Variants in BRWD1 observed in about 807,000 individuals in gnomAD.
The protein encoded by BRWD1 is bromodomain and WD repeat-containing protein 1.
In BRWD1, 82 loss-of-function variants were observed where a neutral mutation model predicts 251.2. That is an observed-to-expected ratio of 0.33 (90% confidence interval 0.27 to 0.39). The LOEUF is 0.39. Among genes scored for constraint, BRWD1 ranks in the 10% least tolerant of loss-of-function variants. The probability of loss-of-function intolerance (pLI) is 1.00; values close to 1 mark genes in which losing one functional copy is unlikely to be tolerated. For missense variants in BRWD1, 2,233 were observed against 2,711.6 expected, an observed-to-expected ratio of 0.82 and a Z score of 3.92; for synonymous variants, 918 against 902.8, an observed-to-expected ratio of 1.02 and a Z score of -0.30.
rs926999451 is a variant in BRWD1 at position 39,196,083 on chromosome 21, A to G, written c.*176T>C. The G allele has an allele frequency of 7.3e-7, 1 of 1,369,534 alleles. No homozygotes were observed. The highest frequency in any genetic ancestry group is 3.5e-5 in the Admixed American group (1 of 28,626). The allele number at this position is 1,369,534 out of a possible 1,614,324, so 84.8% of individuals were successfully genotyped here. On this transcript the variant is annotated 3_prime_UTR_variant, in exon 41 of 41. Coordinates refer to ENST00000342449, the MANE Select transcript of BRWD1 (RefSeq NM_033656.4). ...TGGCACCTGTGCTGAATGCTGCTAC[A>G]AAGACCAGCAAGTGCAAATAAAAAT...
upstream of BRWD1, among the ~76,000 whole-genome samples, chr21:39,318,700 A>G (rs899177566): frequency 5.3e-5 from 8 of 152,092 alleles, no homozygotes; most frequent in African/African-American, 1.7e-4. Flanking sequence ...GCAGGAGTGC[A>G]GTGGTACAGT....
At chr21:39,277,494 ATATAGAGGT>A (rs1226559210) in intron 10 of BRWD1, 143 bp from the exon 11 acceptor site, 3 of 519,466 alleles carry the variant, frequency 5.8e-6, no homozygotes, top group Non-Finnish European at 9.5e-6. Context: ...CTGACTCACT[ATATAGAGGT>A]TATAAAGCTG....
chr21:39,292,133 G>A lies in BRWD1; in HGVS notation c.831+1678C>T, dbSNP rs1182532873. On this transcript the variant is annotated intron_variant, in intron 8 of 40. Coordinates refer to ENST00000342449, the MANE Select transcript of BRWD1 (RefSeq NM_033656.4). ...TTTTTTGTGGGGGGTGGGTGGGGGT[G>A]GGGGGGGGGGTCTCACTAAGTTGCC... Among the ~76,000 whole-genome samples, 26 of 8,216 alleles carry A rather than the reference G, an allele frequency of 3.2e-3. 1 individual carries two copies. Among genetic ancestry groups the A allele is most frequent in the African/African-American group, 9.8e-3 (25 of 2,560 alleles). The allele number at this position is 8,216 out of a possible 152,430, so 5.4% of individuals were successfully genotyped here. A position where few individuals can be genotyped will look rare whatever the true frequency, so the allele number is the denominator to read the frequency against.
intron 22 of BRWD1, 43 bp downstream of exon 22, chr21:39,238,436 A>G (rs2146572368): frequency 6.8e-7 from 1 of 1,480,078 alleles, no homozygotes; most frequent in Non-Finnish European, 9.4e-7. Flanking sequence ...ATCCAAGACT[A>G]TGACTAAAAT....
At position 39,187,181 on chromosome 21, in the gene BRWD1, G is replaced by C. The variant is rs758176006; in HGVS notation, c.*9078C>G. The C allele has an allele frequency of 6.2e-7, 1 of 1,613,612 alleles. No homozygotes were observed. The highest frequency in any genetic ancestry group is 8.5e-7 in the Non-Finnish European group (1 of 1,179,862). ...TTCTTAGCCGCAGCAGAAGCATTTC[G>C]ATGGGGCAGTTTTCTGCTACTCTTC... is the stretch of plus-strand genomic sequence containing the variant. On this transcript the variant is annotated 3_prime_UTR_variant, in exon 41 of 41. Coordinates refer to ENST00000342449, the MANE Select transcript of BRWD1 (RefSeq NM_033656.4).
At chr21:39,308,447 A>ACT (rs1382201092) in intron 4 of BRWD1, among the ~76,000 whole-genome samples, 1 of 145,424 alleles carries the variant, frequency 6.9e-6, no homozygotes, top group Non-Finnish European at 1.5e-5. Flanking sequence ...ATACCACTGC[A>ACT]CTCCAGCCTG....
intron 14 of BRWD1, 32 bp from the exon 15 acceptor site, chr21:39,270,065 G>T: frequency 6.7e-7 from 1 of 1,493,586 alleles, no homozygotes; most frequent in Non-Finnish European, 8.9e-7. Flanking sequence ...CATTAAGGAG[G>T]GTTTACAAGT....
Position 39,199,086 on chromosome 21 carries a change from G to T in BRWD1, c.5330C>A (p.Thr1777Lys). 1.2e-6 allele frequency: 2 copies of T among 1,614,068 alleles called. No homozygotes were observed. The highest frequency in any genetic ancestry group is 1.7e-6 in the Non-Finnish European group (2 of 1,180,010). Residue 1777 changes from threonine (T) to lysine (K), a missense_variant, in exon 40 of 41, where the codon ACG (threonine) becomes AAG (lysine). By Grantham distance (78) the Thr-to-Lys change is moderately conservative. Coordinates refer to ENST00000342449, the MANE Select transcript of BRWD1 (RefSeq NM_033656.4). Reference protein sequence around the residue: ...HACNRTAGPSTSVQKLKAESI... With the variant: ...HACNRTAGPSKSVQKLKAESI... ...CTCTGCCTTAAGTTTCTGCACAGAC[G>T]TTGATGGGCCAGCAGTTCTGTTACA...
intron 23 of BRWD1, 77 bp from the exon 24 acceptor site, chr21:39,232,575 A>G (rs919740821): frequency 6.7e-7 from 1 of 1,499,490 alleles, no homozygotes; most frequent in South Asian, 1.3e-5. Flanking sequence ...AATAAAAGAA[A>G]CTTTCACCAT....
In BRWD1 at chr21:39,259,542, C is replaced by T. The variant is rs532660963; in HGVS notation, c.1886-870G>A. Reference sequence around the variant, plus strand: ...CTCAATCTCCTGACCTCATGATCCACCCACCTCGACCTCCCAAAGTGCTGG... The same window carrying T: ...CTCAATCTCCTGACCTCATGATCCATCCACCTCGACCTCCCAAAGTGCTGG... On this transcript the variant is annotated intron_variant, in intron 17 of 40. Coordinates refer to ENST00000342449, the MANE Select transcript of BRWD1 (RefSeq NM_033656.4). 1.8e-3 allele frequency among the ~76,000 whole-genome samples: 276 copies of T among 152,280 alleles called. 2 individuals carry two copies. The highest frequency in any genetic ancestry group is 6.3e-3 in the African/African-American group (263 of 41,562).
chr21:39,274,300 A>AGC (rs145636658), intron 13 of BRWD1, 74 bp downstream of exon 13: 93,666 of 1,077,838 alleles, frequency 0.087, 984 homozygotes, highest in Admixed American at 0.12. Flanking sequence ...AGAGACACAG[A>AGC]GAGCGAGAGA....
intron 19 of BRWD1, among the ~76,000 whole-genome samples, chr21:39,254,659 T>C (rs928419485): frequency 2.6e-5 from 4 of 152,260 alleles, no homozygotes; most frequent in African/African-American, 9.6e-5. Context: ...AAACTAAGTA[T>C]ACTTGGGTTT....
At chr21:39,239,752 A>G (rs1321142657) in intron 21 of BRWD1, among the ~76,000 whole-genome samples, 3 of 152,224 alleles carry the variant, frequency 2.0e-5, no homozygotes, top group African/African-American at 7.2e-5. Context: ...GCTGGAAAGA[A>G]TTTTTTAACA....
intron 4 of BRWD1, among the ~76,000 whole-genome samples, chr21:39,312,385 A>AT (rs1173186239): frequency 6.6e-6 from 1 of 152,234 alleles, no homozygotes; most frequent in Non-Finnish European, 1.5e-5. Flanking sequence ...ACACAAGAAC[A>AT]TTTCTCCACC....
Position 39,194,213 on chromosome 21 carries a change from T to C in BRWD1, c.*2046A>G. On this transcript the variant is annotated 3_prime_UTR_variant, in exon 41 of 41. Coordinates refer to ENST00000342449, the MANE Select transcript of BRWD1 (RefSeq NM_033656.4). ...AGCCTAAACTGTCAAAATATTGTTT[T>C]ATACCAAAAGAATGTATGTACTTAT... 1 of 982,870 alleles carries C rather than the reference T, an allele frequency of 1.0e-6. No individual in the cohort carries two copies. The highest frequency in any genetic ancestry group is 1.2e-6 in the Non-Finnish European group (1 of 826,872). The allele number at this position is 982,870 out of a possible 1,614,324, so 60.9% of individuals were successfully genotyped here.
At chr21:39,305,454 C>T (rs2036255812) in intron 4 of BRWD1, among the ~76,000 whole-genome samples, 1 of 152,136 alleles carries the variant, frequency 6.6e-6, no homozygotes, top group Non-Finnish European at 1.5e-5. Flanking sequence ...CAGCCAGGCA[C>T]AGTAGTTCAC....
intron 4 of BRWD1, among the ~76,000 whole-genome samples, chr21:39,310,849 C>T (rs2036457645): frequency 6.6e-6 from 1 of 151,918 alleles, no homozygotes; most frequent in Non-Finnish European, 1.5e-5. Context: ...GTTAGCACCG[C>T]AGCTGGCCTG....
chr21:39,218,279 G>C lies in BRWD1; in HGVS notation c.3539-7C>G, dbSNP rs771037723. ...GCAAAAGCTGCTGCTATATCTGTTA[G>C]GGAAGACAGGAGAGTTTTTAATCAA... On this transcript the variant is annotated splice_polypyrimidine_tract_variant and splice_region_variant and intron_variant, in intron 30 of 40. Transcript: ENST00000342449. 2 of 1,596,210 alleles carry C rather than the reference G, an allele frequency of 1.3e-6. No homozygotes were observed. Among genetic ancestry groups the C allele is most frequent in the Non-Finnish European group, 8.5e-7 (1 of 1,175,364 alleles).
At chr21:39,225,010 CAGAAA>C in intron 28 of BRWD1, 71 bp downstream of exon 28, 1 of 1,119,064 alleles carries the variant, frequency 8.9e-7, no homozygotes. Flanking sequence ...TTTTAAAAAC[CAGAAA>C]TGTATTATTT....
Sources: gnomAD v4.1 joint callset for allele counts (sites outside exome capture counted in the v4.1 genomes callset) on GRCh38, gnomAD v4.1.1 for gene constraint, MANE v1.5 for transcripts, NCBI Gene and HGNC (gene_info 2026-07-23, HGNC 2026-07-21) for gene names.